The following DEPDC1B variants were observed in gnomAD, a reference collection of about 807,000 sequenced individuals.
The protein encoded by DEPDC1B is DEP domain-containing protein 1B.
In DEPDC1B, 51 loss-of-function variants were observed where a neutral mutation model predicts 66.5. The observed-to-expected ratio is 0.77, with a 90% confidence interval of 0.61 to 0.97. The LOEUF is 0.97. DEPDC1B is among the 50% of genes least tolerant of loss of function. The pLI, the probability that DEPDC1B is intolerant of heterozygous loss-of-function variation, is 0.00. For synonymous variants in DEPDC1B, 226 were observed against 223.6 expected, an observed-to-expected ratio of 1.01 and a Z score of -0.10; for missense variants, 552 against 637.1, an observed-to-expected ratio of 0.87 and a Z score of 1.44.
intron 2 of DEPDC1B, among the ~76,000 whole-genome samples, chr5:60,685,504 T>A (rs1278870182): frequency 2.0e-5 from 3 of 152,210 alleles, no homozygotes; most frequent in Non-Finnish European, 4.4e-5. Flanking sequence ...TTGTGTACTC[T>A]ATTTTTTAAA....
In DEPDC1B at chr5:60,655,586, G is replaced by A. The variant is rs115628044; in HGVS notation, c.315-8053C>T. Among the ~76,000 whole-genome samples, 371 of 148,794 alleles carry A rather than the reference G, an allele frequency of 2.5e-3. 39 individuals are homozygous for A. The highest frequency in any genetic ancestry group is 9.0e-3 in the African/African-American group (356 of 39,486). ...TTCCAAAGAACCAGCTTTTTGTTTCGTTTATCATTTGTATTATTTTTTGTT... is the reference window on the plus strand; with the variant it reads ...TTCCAAAGAACCAGCTTTTTGTTTCATTTATCATTTGTATTATTTTTTGTT... On this transcript the variant is annotated intron_variant, in intron 2 of 10. Transcript: ENST00000265036.
At chr5:60,599,704 C>G (rs1752164388) in intron 9 of DEPDC1B, among the ~76,000 whole-genome samples, 1 of 152,254 alleles carries the variant, frequency 6.6e-6, no homozygotes, top group South Asian at 2.1e-4. Context: ...CAAACAATAG[C>G]ATGAGCGATC....
intron 2 of DEPDC1B, among the ~76,000 whole-genome samples, chr5:60,677,945 G>A (rs565379816): frequency 2.6e-4 from 40 of 152,114 alleles, no homozygotes; most frequent in Admixed American, 1.2e-3. Context: ...TAAAGGTGAG[G>A]TATCTAAAAC....
intron 2 of DEPDC1B, among the ~76,000 whole-genome samples, chr5:60,685,084 T>C (rs1754382573): frequency 2.0e-5 from 3 of 152,138 alleles, no homozygotes; most frequent in Admixed American, 6.6e-5. Context: ...TCGCTCATAC[T>C]CTCCTCCTCT....
chr5:60,672,880 G>C (rs1017795789), intron 2 of DEPDC1B, among the ~76,000 whole-genome samples: 2 of 152,130 alleles, frequency 1.3e-5, no homozygotes, highest in East Asian at 1.9e-4. Flanking sequence ...ACCTGATATG[G>C]GGAGGACTGA....
intron 10 of DEPDC1B, 21 bp from the exon 11 acceptor site, chr5:60,597,935 A>G: frequency 6.5e-7 from 1 of 1,549,040 alleles, no homozygotes; most frequent in Non-Finnish European, 8.7e-7. Context: ...GAATGGTCCA[A>G]GAAGAGTAAA....
chr5:60,643,342 G>A lies in DEPDC1B; in HGVS notation c.710-483C>T, dbSNP rs149489231. Among the ~76,000 whole-genome samples the A allele has an allele frequency of 7.2e-3, 1,097 of 152,268 alleles. 12 individuals are homozygous for A. Among genetic ancestry groups the A allele is most frequent in the African/African-American group, 0.021 (873 of 41,556 alleles). On this transcript the variant is annotated intron_variant, in intron 5 of 10. Transcript: ENST00000265036. ...TTTCAAAATGCTTTAGGCCAAGAAA[G>A]TTCCACTGACATATTAATGTTAGGC...
chr5:60,670,369 G>A (rs752421816), intron 2 of DEPDC1B, among the ~76,000 whole-genome samples: 12 of 152,094 alleles, frequency 7.9e-5, no homozygotes, highest in Admixed American at 2.6e-4. Flanking sequence ...GCGAGACTCC[G>A]TCTCAAAAAA....
intron 7 of DEPDC1B, among the ~76,000 whole-genome samples, chr5:60,618,236 G>C (rs554609458): frequency 6.6e-6 from 1 of 152,212 alleles, no homozygotes; most frequent in African/African-American, 2.4e-5. Context: ...AACTAGAGAA[G>C]CAAGAGCAAA....
At chr5:60,652,114 A>T (rs1171729312) in intron 2 of DEPDC1B, among the ~76,000 whole-genome samples, 1 of 149,556 alleles carries the variant, frequency 6.7e-6, no homozygotes, top group African/African-American at 2.5e-5. Context: ...CCAAATATGC[A>T]TATTTAATAA....
At chr5:60,608,568 A>T (rs1008474383) in intron 7 of DEPDC1B, among the ~76,000 whole-genome samples, 1 of 150,646 alleles carries the variant, frequency 6.6e-6, no homozygotes, top group African/African-American at 2.4e-5. Flanking sequence ...AAATAAAAGC[A>T]TGCTGATTAT....
intron 9 of DEPDC1B, among the ~76,000 whole-genome samples, chr5:60,601,429 T>A (rs1298233055): frequency 6.6e-6 from 1 of 152,218 alleles, no homozygotes; most frequent in African/African-American, 2.4e-5. Flanking sequence ...CACTCTCTTA[T>A]ACCACTGACA....
chr5:60,699,940 G>A lies in DEPDC1B; in HGVS notation c.48+106C>T. 4 of 1,358,468 alleles carry A rather than the reference G, an allele frequency of 2.9e-6. No individual in the cohort carries two copies. The South Asian group carries it at 3.8e-5, about 13-fold the overall frequency. 84.2% of individuals were successfully genotyped at this position (1,358,468 alleles called of 1,614,324 possible). A position where few individuals can be genotyped will look rare whatever the true frequency, so the allele number is the denominator to read the frequency against. On this transcript the variant is annotated intron_variant, in intron 1 of 10. Transcript: ENST00000265036. ...CCCAGCTGAAATGCTCCACACCCGA[G>A]CCCCGCTGGCCTGCGGAAGCGAAGA...
intron 7 of DEPDC1B, among the ~76,000 whole-genome samples, chr5:60,614,549 C>T (rs977803447): frequency 8.5e-5 from 13 of 152,064 alleles, no homozygotes; most frequent in African/African-American, 3.1e-4. Flanking sequence ...CCTGCTTAAT[C>T]TCTTCTCTTT....
At position 60,660,169 on chromosome 5, in the gene DEPDC1B, G is replaced by A. The variant is rs553111775; in HGVS notation, c.315-12636C>T. On this transcript the variant is annotated intron_variant, in intron 2 of 10. Coordinates refer to ENST00000265036, the MANE Select transcript of DEPDC1B (RefSeq NM_018369.3). ...AGAGAGGAGGAGAGAGAGAGAGAAA[G>A]AGAGAGAGACAGAGAGGAGAGAGAG... Among the ~76,000 whole-genome samples, 149 of 151,848 alleles carry A rather than the reference G, an allele frequency of 9.8e-4. No homozygotes were observed. In the Middle Eastern group the frequency reaches 0.014, roughly 14 times the overall value.
At chr5:60,667,539 AT>A (rs200169435) in intron 2 of DEPDC1B, among the ~76,000 whole-genome samples, 4 of 144,006 alleles carry the variant, frequency 2.8e-5, no homozygotes, top group Middle Eastern at 0.011. Flanking sequence ...TTACATATAT[AT>A]AAAAAATGGA....
chr5:60,648,459 C>T (rs946948382), intron 2 of DEPDC1B, among the ~76,000 whole-genome samples: 1 of 152,326 alleles, frequency 6.6e-6, no homozygotes, highest in East Asian at 1.9e-4. Context: ...TTTTCTCCCA[C>T]GGGATGTGCA....
At chr5:60,665,644 G>C (rs1352958427) in intron 2 of DEPDC1B, among the ~76,000 whole-genome samples, 2 of 152,196 alleles carry the variant, frequency 1.3e-5, no homozygotes, top group East Asian at 3.9e-4. Context: ...GCAGTTAAGA[G>C]TGGTAGTCGG....
At chr5:60,679,066 T>C (rs1346025754) in intron 2 of DEPDC1B, among the ~76,000 whole-genome samples, 2 of 152,236 alleles carry the variant, frequency 1.3e-5, no homozygotes, top group Non-Finnish European at 2.9e-5. Context: ...TTGTATGAAG[T>C]ATAAGGTTTA....
Sources: gnomAD v4.1 joint callset for allele counts (sites outside exome capture counted in the v4.1 genomes callset) on GRCh38, gnomAD v4.1.1 for gene constraint, MANE v1.5 for transcripts, NCBI Gene and HGNC (gene_info 2026-07-23, HGNC 2026-07-21) for gene names.